STARD8: variants seen among roughly 807,000 people sequenced by gnomAD.
STARD8 encodes StAR related lipid transfer domain containing 8.
Under a neutral mutation model 69.4 loss-of-function variants are expected in STARD8, and 25 were observed. That is an observed-to-expected ratio of 0.36 (90% CI 0.26 to 0.50). The LOEUF is 0.50. STARD8 is among the 20% of genes least tolerant of loss of function. The pLI is 0.96. For missense variants in STARD8, 921 were observed against 932.5 expected (o/e 0.99, Z 0.16); for synonymous variants, 389 against 374.6 (o/e 1.04, Z -0.45).
At chrX:68,660,486 G>T (rs1014271579) in intron 1 of STARD8, among the ~76,000 whole-genome samples, 6 of 111,561 alleles carry the variant, frequency 5.4e-5, no homozygotes, top group African/African-American at 1.6e-4. Flanking sequence ...ATGTCTCCAG[G>T]TCATTGACAT....
At chrX:68,698,751 A>C (rs1232259848) in intron 2 of STARD8, among the ~76,000 whole-genome samples, 1 of 110,851 alleles carries the variant, frequency 9.0e-6, no homozygotes, top group African/African-American at 3.3e-5. Flanking sequence ...CCCCCTCTAT[A>C]GCTTTCTCTC....
At chrX:68,695,888 A>G (rs1004606849) in intron 2 of STARD8, among the ~76,000 whole-genome samples, 4 of 112,127 alleles carry the variant, frequency 3.6e-5, no homozygotes, top group African/African-American at 1.3e-4. Context: ...AAGGTCCCAA[A>G]GGAAGGAGGG....
chrX:68,722,349 A>G, intron 11 of STARD8, 73 bp from the exon 12 acceptor site: 2 of 1,000,809 alleles, frequency 2.0e-6, no homozygotes, highest in Non-Finnish European at 2.7e-6. Context: ...ACTGCCCTTA[A>G]CGTGAACCTG....
At chrX:68,674,742 C>T (rs1167534263) in intron 2 of STARD8, among the ~76,000 whole-genome samples, 2 of 110,392 alleles carry the variant, frequency 1.8e-5, no homozygotes, top group Non-Finnish European at 3.8e-5. Flanking sequence ...CAGTTTTCAT[C>T]ACGTCTCTAA....
chrX:68,650,417 T>A (rs1427797424), intron 1 of STARD8, among the ~76,000 whole-genome samples: 5 of 85,505 alleles, frequency 5.8e-5, no homozygotes, highest in Non-Finnish European at 8.5e-5. Flanking sequence ...CAGAGCAAGA[T>A]CCTATAGAAG....
At chrX:68,710,603 C>G (rs767517121) in intron 2 of STARD8, among the ~76,000 whole-genome samples, 65 of 112,158 alleles carry the variant, frequency 5.8e-4, no homozygotes, top group Non-Finnish European at 1.3e-4. Context: ...CAACCCCCAG[C>G]TAGGGCCAAT....
chrX:68,704,210 T>C (rs913624903), intron 2 of STARD8, among the ~76,000 whole-genome samples: 2 of 111,943 alleles, frequency 1.8e-5, no homozygotes, highest in African/African-American at 6.5e-5. Context: ...GACTGCTTCA[T>C]TGAACTGAGC....
chrX:68,669,465 C>T (rs1007916840), intron 2 of STARD8, among the ~76,000 whole-genome samples: 2 of 112,365 alleles, frequency 1.8e-5, no homozygotes, highest in African/African-American at 6.5e-5. Context: ...CTCATTAGCT[C>T]GCTTACCAGC....
chrX:68,720,238 T>A, intron 7 of STARD8, 26 bp from the exon 8 acceptor site: 1 of 1,168,367 alleles, frequency 8.6e-7, no homozygotes, highest in Non-Finnish European at 1.1e-6. Context: ...TCCCCCTATC[T>A]GATCACTTGT....
rs1569350769 is a variant in STARD8, at chrX:68,652,878, C to CA, written c.45+4951_45+4952insA. 1.3e-3 allele frequency among the ~76,000 whole-genome samples: 29 copies of CA among 22,622 alleles called. 1 individual carries two copies. The highest frequency in any genetic ancestry group is 3.5e-3 in the East Asian group (2 of 577). The allele number at this position is 22,622 out of a possible 115,157, so 19.6% of individuals were successfully genotyped here. The stretch of plus-strand genomic sequence containing the variant: ...CACACCACACACACACACACCCACA[C>CA]CCCACACACACACACCACACCACAC... On this transcript the variant is annotated intron_variant, in intron 1 of 14. Coordinates refer to ENST00000374599, the MANE Select transcript of STARD8 (RefSeq NM_001142503.3).
chrX:68,667,881 C>T lies in STARD8; in HGVS notation c.79+2349C>T, dbSNP rs372913180. ...TCCCCTCTCCGAACCTCAATGTTCT[C>T]ATCTGTACATTGAGCCTGCCCCATT... On this transcript the variant is annotated intron_variant, in intron 2 of 14. Coordinates refer to ENST00000374599, the MANE Select transcript of STARD8 (RefSeq NM_001142503.3). Among the ~76,000 whole-genome samples the T allele has an allele frequency of 1.7e-4, 19 of 111,136 alleles. No individual in the cohort carries two copies. In the East Asian group the frequency reaches 2.3e-3, roughly 13 times the overall value.
chrX:68,715,432 G>A (rs191951084), intron 4 of STARD8, 57 bp downstream of exon 4: 19 of 1,048,479 alleles, frequency 1.8e-5, no homozygotes, highest in South Asian at 2.2e-5. Flanking sequence ...AAGCTTCCTC[G>A]TGGAAAAAAA....
rs868508024 is a variant in STARD8, at chrX:68,712,874, C to T, written c.80-40C>T. On this transcript the variant is annotated intron_variant, in intron 2 of 14. Transcript: ENST00000374599. The stretch of plus-strand genomic sequence containing the variant: ...GCCCTGGTGTCAGCACCCTCCTAAC[C>T]CCATTTCTTTGCCTGTTTCTTTCCC... 11 of 1,171,046 alleles carry T rather than the reference C, an allele frequency of 9.4e-6. No individual in the cohort carries two copies. In the Middle Eastern group the frequency reaches 2.1e-3, roughly 228 times the overall value.
chrX:68,656,753 C>T (rs2079613217), intron 1 of STARD8, among the ~76,000 whole-genome samples: 1 of 110,653 alleles, frequency 9.0e-6, no homozygotes, highest in Admixed American at 9.7e-5. Flanking sequence ...CAAACTATCT[C>T]AAGGACAAAA....
chrX:68,664,431 C>T (rs1037894533), intron 1 of STARD8, among the ~76,000 whole-genome samples: 3 of 112,150 alleles, frequency 2.7e-5, no homozygotes, highest in African/African-American at 9.7e-5. Flanking sequence ...TGCTCTATAT[C>T]CACCAATGGC....
chrX:68,658,378 C>T (rs1009947689), intron 1 of STARD8, among the ~76,000 whole-genome samples: 9 of 112,274 alleles, frequency 8.0e-5, no homozygotes, highest in East Asian at 2.8e-4. Context: ...TTTCAAAGTC[C>T]ACTATGTTCA....
intron 1 of STARD8, among the ~76,000 whole-genome samples, chrX:68,659,944 CTT>C (rs1246105730): frequency 9.0e-6 from 1 of 111,112 alleles, no homozygotes; most frequent in African/African-American, 3.3e-5. Flanking sequence ...CAAGGGGAGA[CTT>C]ATAAAACCAT....
At chrX:68,691,586 C>A (rs1467434041) in intron 2 of STARD8, among the ~76,000 whole-genome samples, 1 of 112,369 alleles carries the variant, frequency 8.9e-6, no homozygotes, top group Non-Finnish European at 1.9e-5. Flanking sequence ...ATGTGCATGG[C>A]AAATATCATG....
chrX:68,664,569 A>C (rs930147025), intron 1 of STARD8, among the ~76,000 whole-genome samples: 1 of 111,779 alleles, frequency 8.9e-6, no homozygotes, highest in Non-Finnish European at 1.9e-5. Flanking sequence ...ATTGCTGACA[A>C]CTTCTTGCCA....
Sources: allele counts gnomAD v4.1 joint callset (sites outside exome capture counted in the v4.1 genomes callset), GRCh38; gene constraint gnomAD v4.1.1; transcripts MANE v1.5; gene names NCBI Gene and HGNC (gene_info 2026-07-23, HGNC 2026-07-21).